Variants in NDRG1 observed in about 807,000 individuals in gnomAD.
NDRG1 encodes the protein N-myc downstream regulated 1.
A neutral mutation model predicts 56.9 loss-of-function variants in NDRG1; 32 were observed. The ratio of observed to expected loss-of-function variants is 0.56; its 90% CI spans 0.42 to 0.76. NDRG1 has a LOEUF of 0.76. NDRG1 is among the 30% of genes least tolerant of loss of function. The pLI, the probability that NDRG1 is intolerant of heterozygous loss-of-function variation, is 0.00. For missense variants in NDRG1, 507 were observed against 545.7 expected (o/e 0.93, Z 0.71); for synonymous variants, 211 against 204.1 (o/e 1.03, Z -0.29).
At chr8:133,256,720 G>T in intron 8 of NDRG1, 57 bp downstream of exon 8, 1 of 1,540,888 alleles carries the variant, frequency 6.5e-7, no homozygotes, top group Non-Finnish European at 8.9e-7. Context: ...CAGAGGCTGT[G>T]TGCACCTGTC....
Position 133,263,492 on chromosome 8 carries a change from T to C in NDRG1, c.205+1055A>G, listed in dbSNP as rs576715164. The stretch of plus-strand genomic sequence containing the variant: ...CAACATTCAGTAGCTTCCATTCCAT[T>C]CTCATCTATGAAAAATGGGGAACCC... On this transcript the variant is annotated intron_variant, in intron 4 of 15. Coordinates refer to ENST00000323851, the MANE Select transcript of NDRG1 (RefSeq NM_006096.4). 3.3e-5 allele frequency among the ~76,000 whole-genome samples: 5 copies of C among 152,282 alleles called. No homozygotes were observed. In the South Asian group the frequency reaches 1.0e-3, roughly 32 times the overall value.
intron 3 of NDRG1, among the ~76,000 whole-genome samples, chr8:133,274,078 C>T (rs562991179): frequency 1.3e-5 from 2 of 152,304 alleles, no homozygotes; most frequent in South Asian, 4.1e-4. Context: ...CAGGTGGGGG[C>T]CTGACAGCGC....
chr8:133,282,126 T>C (rs1162152274), intron 2 of NDRG1, among the ~76,000 whole-genome samples: 1 of 152,236 alleles, frequency 6.6e-6, no homozygotes, highest in African/African-American at 2.4e-5. Flanking sequence ...GGCAAGCTCT[T>C]AGACATGTGT....
At chr8:133,267,967 C>T (rs1563630825) in intron 3 of NDRG1, among the ~76,000 whole-genome samples, 1 of 152,166 alleles carries the variant, frequency 6.6e-6, no homozygotes, top group Non-Finnish European at 1.5e-5. Flanking sequence ...TCAAGAATGT[C>T]CCTGGCAGCC....
At position 133,239,007 on chromosome 8, in the gene NDRG1, G is replaced by A; in HGVS notation, c.1056C>T (p.Ser352=). 6.3e-7 allele frequency: 1 copy of A among 1,596,938 alleles called. No individual in the cohort carries two copies. Among genetic ancestry groups the A allele is most frequent in the South Asian group, 1.1e-5 (1 of 88,024 alleles). ...SRSHTSEGTR[S]RSHTSEGTRS... The stretch of plus-strand genomic sequence containing the variant: ...GGGTGCCCTCGCTGGTGTGGGAGCG[G>A]CTTCGGGTGCCCTCGCTGGTGTGGG... Residue 352 remains serine, a synonymous_variant, in exon 16 of 16, where the codon AGC becomes AGT. Transcript: ENST00000323851.
At chr8:133,259,372 G>T in intron 5 of NDRG1, 142 bp from the exon 6 acceptor site, 1 of 772,804 alleles carries the variant, frequency 1.3e-6, no homozygotes. Context: ...TAGTCCCTTC[G>T]CATCCTCCTT....
intron 6 of NDRG1, 129 bp from the exon 7 acceptor site, chr8:133,258,555 G>T: frequency 1.1e-6 from 1 of 871,348 alleles, no homozygotes; most frequent in Non-Finnish European, 1.9e-6. Context: ...GTAACTGCCT[G>T]CACAGCTCTG....
intron 3 of NDRG1, among the ~76,000 whole-genome samples, chr8:133,277,650 C>T (rs1016860533): frequency 2.6e-5 from 4 of 152,156 alleles, no homozygotes; most frequent in Admixed American, 1.3e-4. Context: ...CTTAATATGA[C>T]GGAACTGTAC....
At chr8:133,275,222 G>C (rs947949422) in intron 3 of NDRG1, among the ~76,000 whole-genome samples, 1 of 152,208 alleles carries the variant, frequency 6.6e-6, no homozygotes, top group South Asian at 2.1e-4. Context: ...TCTGGGGGAC[G>C]CTTTCATCAA....
intron 8 of NDRG1, chr8:133,255,520 C>T (rs1014710346): frequency 7.9e-6 from 3 of 378,752 alleles, no homozygotes; most frequent in African/African-American, 2.1e-5. Flanking sequence ...CCCAGACCTT[C>T]GAGTCTCACT....
At position 133,264,659 on chromosome 8, in the gene NDRG1, A is replaced by C. The variant is rs762779639; in HGVS notation, c.100-7T>G. ...AAGTCTCGATGTCCTGCTCCTGAGGAGACACAGCAGACAGTGGGCTGGTCA... is the reference window on the plus strand; with the variant it reads ...AAGTCTCGATGTCCTGCTCCTGAGGCGACACAGCAGACAGTGGGCTGGTCA... On this transcript the variant is annotated splice_polypyrimidine_tract_variant and splice_region_variant and intron_variant, in intron 3 of 15. Transcript: ENST00000323851. The C allele has an allele frequency of 6.2e-6, 10 of 1,612,388 alleles. No individual in the cohort carries two copies. The East Asian group carries it at 2.2e-4, about 36-fold the overall frequency.
At chr8:133,291,332 G>A (rs927632724) in intron 1 of NDRG1, among the ~76,000 whole-genome samples, 4 of 152,154 alleles carry the variant, frequency 2.6e-5, no homozygotes, top group Admixed American at 6.5e-5. Context: ...GAAAATTGCC[G>A]AGAACAGCAC....
chr8:133,269,861 G>T (rs894177727), intron 3 of NDRG1, among the ~76,000 whole-genome samples: 1 of 152,204 alleles, frequency 6.6e-6, no homozygotes, highest in South Asian at 2.1e-4. Context: ...AAACAGAATC[G>T]AGAAATAATA....
intron 3 of NDRG1, among the ~76,000 whole-genome samples, chr8:133,269,908 C>T (rs1212431408): frequency 2.0e-5 from 3 of 152,222 alleles, no homozygotes; most frequent in African/African-American, 7.2e-5. Context: ...GGCACCTGCC[C>T]CCAAACTGCA....
chr8:133,266,719 T>C (rs1856939133), intron 3 of NDRG1, among the ~76,000 whole-genome samples: 1 of 152,196 alleles, frequency 6.6e-6, no homozygotes, highest in African/African-American at 2.4e-5. Context: ...GAAACATTCA[T>C]TAGGCACCTA....
intron 14 of NDRG1, among the ~76,000 whole-genome samples, chr8:133,242,821 A>G (rs1855460530): frequency 6.6e-6 from 1 of 152,222 alleles, no homozygotes; most frequent in African/African-American, 2.4e-5. Context: ...GAACAAAAGA[A>G]GGACAAATAA....
chr8:133,266,117 T>C (rs1457235510), intron 3 of NDRG1, among the ~76,000 whole-genome samples: 1 of 152,178 alleles, frequency 6.6e-6, no homozygotes, highest in Non-Finnish European at 1.5e-5. Context: ...CCCAGCTGGC[T>C]GAGGAAGTGA....
intron 3 of NDRG1, among the ~76,000 whole-genome samples, chr8:133,276,876 A>G (rs1413653979): frequency 2.6e-5 from 4 of 152,240 alleles, no homozygotes; most frequent in African/African-American, 4.8e-5. Flanking sequence ...TCTCAAAGAG[A>G]TATCTGTACA....
At position 133,291,142 on chromosome 8, in the gene NDRG1, T is replaced by C. The variant is rs115849042; in HGVS notation, c.-19+5992A>G. 7.6e-3 allele frequency among the ~76,000 whole-genome samples: 1,150 copies of C among 152,152 alleles called. 12 individuals are homozygous for C. Among genetic ancestry groups the C allele is most frequent in the African/African-American group, 0.026 (1,071 of 41,502 alleles). ...AGCAGGCGGGAATTGCTGACAAGGG[T>C]AGCATCGATTGTCACCAACAGCAAC... On this transcript the variant is annotated intron_variant, in intron 1 of 15. Coordinates refer to ENST00000323851, the MANE Select transcript of NDRG1 (RefSeq NM_006096.4).
Sources: gnomAD v4.1 joint callset for allele counts (sites outside exome capture counted in the v4.1 genomes callset) on GRCh38, gnomAD v4.1.1 for gene constraint, MANE v1.5 for transcripts, NCBI Gene and HGNC (gene_info 2026-07-23, HGNC 2026-07-21) for gene names.